GALNT13: variants seen among roughly 807,000 people sequenced by gnomAD.
GALNT13 encodes the protein polypeptide N-acetylgalactosaminyltransferase 13, also known as UDP-GalNAc:polypeptide N-acetylgalactosaminyltransferase 13.
A neutral mutation model predicts 64.2 loss-of-function variants in GALNT13; 28 were observed. The observed-to-expected ratio is 0.44, with a 90% CI of 0.32 to 0.60. The LOEUF (loss-of-function observed/expected upper bound fraction) is 0.60, where lower values mean the gene tolerates loss of function less well. GALNT13 is among the 20% of genes least tolerant of loss of function. The pLI, the probability that GALNT13 is intolerant of heterozygous loss-of-function variation, is 0.05. For synonymous variants in GALNT13, 214 were observed against 224.6 expected (o/e 0.95, Z 0.42); for missense variants, 577 against 669.8 (o/e 0.86, Z 1.53).
At position 153,943,897 on chromosome 2, in the gene GALNT13, A is replaced by G. The variant is rs189061626; in HGVS notation, c.-104-497A>G. 2.6e-5 allele frequency among the ~76,000 whole-genome samples: 4 copies of G among 152,348 alleles called. No individual in the cohort carries two copies. The East Asian group carries it at 5.8e-4, about 22-fold the overall frequency. ...AGGTTTAGCTTTGGCATTTCTATCCACATTATACAGATGAGAAAACTGTGG... is the reference window on the plus strand; with the variant it reads ...AGGTTTAGCTTTGGCATTTCTATCCGCATTATACAGATGAGAAAACTGTGG... On this transcript the variant is annotated intron_variant, in intron 2 of 12. Coordinates refer to ENST00000392825, the MANE Select transcript of GALNT13 (RefSeq NM_052917.4).
the GALNT13 span, among the ~76,000 whole-genome samples, chr2:153,494,951 C>T: frequency 1.3e-5 from 2 of 151,894 alleles, no homozygotes; most frequent in Non-Finnish European, 2.9e-5. Context: ...GTAAAAATGT[C>T]CAGTAAATAC....
chr2:153,424,123 T>C, the GALNT13 span, among the ~76,000 whole-genome samples: 18 of 150,288 alleles, frequency 1.2e-4, no homozygotes, highest in African/African-American at 4.1e-4. Context: ...TCTACCCACA[T>C]ATACATGGCT....
the GALNT13 span, among the ~76,000 whole-genome samples, chr2:153,557,367 C>A: frequency 1.3e-5 from 2 of 152,162 alleles, no homozygotes; most frequent in African/African-American, 4.8e-5. Context: ...AACAGTGCAT[C>A]TGTTTTTAAA....
chr2:153,321,872 C>T, the GALNT13 span, among the ~76,000 whole-genome samples: 1 of 151,602 alleles, frequency 6.6e-6, no homozygotes, highest in Non-Finnish European at 1.5e-5. Context: ...TTTCCACTGC[C>T]CAGTGAGAAA....
intron 3 of GALNT13, among the ~76,000 whole-genome samples, chr2:153,965,512 G>A (rs758963330): frequency 5.3e-5 from 8 of 152,068 alleles, no homozygotes; most frequent in Admixed American, 1.3e-4. Flanking sequence ...GAGAATCTGC[G>A]AAGGGACAAA....
chr2:153,724,866 AACT>A, the GALNT13 span, among the ~76,000 whole-genome samples: 1 of 150,582 alleles, frequency 6.6e-6, no homozygotes, highest in Non-Finnish European at 1.5e-5. Context: ...TGGGACTGGA[AACT>A]AGTTCAACCA....
At chr2:153,452,473 A>G in the GALNT13 span, among the ~76,000 whole-genome samples, 4 of 151,946 alleles carry the variant, frequency 2.6e-5, no homozygotes, top group Admixed American at 2.0e-4. Context: ...GTGAGACTCT[A>G]TCTCAAAAAA....
the GALNT13 span, among the ~76,000 whole-genome samples, chr2:153,842,169 A>C: frequency 6.6e-6 from 1 of 152,088 alleles, no homozygotes; most frequent in Non-Finnish European, 1.5e-5. Context: ...CTCCTACAGC[A>C]TCAGAGAACT....
the GALNT13 span, among the ~76,000 whole-genome samples, chr2:153,151,588 C>G: frequency 6.6e-6 from 1 of 152,040 alleles, no homozygotes; most frequent in African/African-American, 2.4e-5. Context: ...CCCAAATGTC[C>G]AACAATGATA....
the GALNT13 span, among the ~76,000 whole-genome samples, chr2:153,845,147 C>T: frequency 1.1e-4 from 17 of 152,160 alleles, no homozygotes; most frequent in Non-Finnish European, 2.1e-4. Flanking sequence ...ATCTTTGTAG[C>T]AAGGCCCCAC....
intron 2 of GALNT13, among the ~76,000 whole-genome samples, chr2:153,930,063 T>A (rs1690412212): frequency 6.6e-6 from 1 of 152,196 alleles, no homozygotes; most frequent in Non-Finnish European, 1.5e-5. Context: ...GGTATCTCAT[T>A]GTGGTTTTGA....
At chr2:153,564,203 T>TA in the GALNT13 span, among the ~76,000 whole-genome samples, 15,796 of 94,268 alleles carry the variant, frequency 0.17, 905 homozygotes, top group Middle Eastern at 0.25. Flanking sequence ...TATATATATA[T>TA]TTTTTTTACT....
intron 3 of GALNT13, among the ~76,000 whole-genome samples, chr2:154,060,932 C>T (rs192084750): frequency 3.2e-3 from 485 of 151,848 alleles, no homozygotes; most frequent in Middle Eastern, 6.8e-3. Context: ...AAAATCTAGC[C>T]GACGTGAAAT....
At chr2:153,069,322 A>G in the GALNT13 span, among the ~76,000 whole-genome samples, 1 of 152,168 alleles carries the variant, frequency 6.6e-6, no homozygotes, top group African/African-American at 2.4e-5. Flanking sequence ...TTGTCTCCCT[A>G]CTTAAGCAGA....
At chr2:153,755,034 C>G in the GALNT13 span, among the ~76,000 whole-genome samples, 1 of 152,132 alleles carries the variant, frequency 6.6e-6, no homozygotes, top group Non-Finnish European at 1.5e-5. Flanking sequence ...TGCACAGAAA[C>G]ACTCCACACC....
the GALNT13 span, among the ~76,000 whole-genome samples, chr2:153,317,971 T>C: frequency 6.6e-6 from 1 of 152,218 alleles, no homozygotes; most frequent in East Asian, 1.9e-4. Context: ...TGAGGATCAG[T>C]GATACAGTGA....
the GALNT13 span, among the ~76,000 whole-genome samples, chr2:153,665,486 A>G: frequency 1.3e-5 from 2 of 151,890 alleles, no homozygotes; most frequent in African/African-American, 4.8e-5. Flanking sequence ...CTCTTCCCCC[A>G]CCACCTCCCC....
At chr2:154,164,554 A>G (rs1316891044) in intron 4 of GALNT13, among the ~76,000 whole-genome samples, 1 of 152,102 alleles carries the variant, frequency 6.6e-6, no homozygotes, top group Non-Finnish European at 1.5e-5. Context: ...GAGAAACAAC[A>G]TATATAGGAT....
At position 153,950,528 on chromosome 2, in the gene GALNT13, C is replaced by T. The variant is rs920598019; in HGVS notation, c.142+5889C>T. Among the ~76,000 whole-genome samples, 3 of 152,048 alleles carry T rather than the reference C, an allele frequency of 2.0e-5. No individual in the cohort carries two copies. In the East Asian group the frequency reaches 5.8e-4, roughly 29 times the overall value. On this transcript the variant is annotated intron_variant, in intron 3 of 12. Coordinates refer to ENST00000392825, the MANE Select transcript of GALNT13 (RefSeq NM_052917.4). ...ACTTCAGATAACAGTTGGACATTAT[C>T]TCTGAAATCTGAACATTCATATATA...
Sources: gnomAD v4.1 joint callset for allele counts (sites outside exome capture counted in the v4.1 genomes callset) on GRCh38, gnomAD v4.1.1 for gene constraint, MANE v1.5 for transcripts, NCBI Gene and HGNC (gene_info 2026-07-23, HGNC 2026-07-21) for gene names.